Variants in WDR1 observed in about 807,000 individuals in gnomAD.
WDR1 encodes WD repeat domain 1.
In WDR1, 21 loss-of-function variants were observed where a neutral mutation model predicts 71.9. That is an observed-to-expected ratio of 0.29 (90% CI 0.21 to 0.42). The LOEUF is 0.42. Among genes scored for constraint, WDR1 ranks in the 10% least tolerant of loss-of-function variants. The pLI, the probability that WDR1 is intolerant of heterozygous loss-of-function variation, is 1.00. For missense variants in WDR1, 696 were observed against 824.5 expected (o/e 0.84, Z 1.91); for synonymous variants, 424 against 347.4 (o/e 1.22, Z -2.45).
At chr4:10,111,797 C>G (rs1713382478) in intron 2 of WDR1, among the ~76,000 whole-genome samples, 1 of 151,698 alleles carries the variant, frequency 6.6e-6, no homozygotes, top group South Asian at 2.1e-4. Context: ...AATACCCTCC[C>G]CAACCCCCCA....
intron 5 of WDR1, chr4:10,096,177 T>G (rs1404038719): frequency 6.6e-6 from 1 of 152,352 alleles, no homozygotes. Context: ...CTGGGTTTAA[T>G]GCACAGCTGC....
chr4:10,085,143 G>A (rs1243667404), intron 8 of WDR1, among the ~76,000 whole-genome samples: 1 of 152,212 alleles, frequency 6.6e-6, no homozygotes, highest in African/African-American at 2.4e-5. Flanking sequence ...AGAGGGCGGC[G>A]TTTAGCCCCC....
intron 13 of WDR1, 119 bp downstream of exon 13, chr4:10,077,634 G>C: frequency 1.4e-6 from 2 of 1,462,852 alleles, no homozygotes; most frequent in South Asian, 1.4e-5. Context: ...GCTACTTGTA[G>C]AGGCAAGAAA....
Position 10,099,109 on chromosome 4 carries a change from G to T in WDR1, c.260C>A (p.Thr87Asn). Residue 87 changes from threonine (T) to asparagine (N), a missense_variant, in exon 4 of 15, where the codon ACC becomes AAC. By Grantham distance (65) the Thr-to-Asn change is moderately conservative. Transcript: ENST00000499869. ...CTTCAACAGGTGCTCCTTCTGCGTG[G>T]TATCCCAGATCCTCAGCTTCCCAGA... ...DVSGKLRIWDTTQKEHLLKYE... is the reference protein window; with the variant it reads ...DVSGKLRIWDNTQKEHLLKYE... 1 of 1,448,186 alleles carries T rather than the reference G, an allele frequency of 6.9e-7. No homozygotes were observed. Among genetic ancestry groups the T allele is most frequent in the Non-Finnish European group, 9.3e-7 (1 of 1,076,254 alleles). 89.7% of individuals were successfully genotyped at this position (1,448,186 alleles called of 1,614,324 possible).
chr4:10,098,893 GT>G, intron 4 of WDR1, 98 bp downstream of exon 4: 1 of 1,545,134 alleles, frequency 6.5e-7, no homozygotes, highest in Non-Finnish European at 8.8e-7. Context: ...ACGAGTGCAA[GT>G]TAGTACAGAC....
chr4:10,107,855 G>C (rs900024522), intron 2 of WDR1, among the ~76,000 whole-genome samples: 3 of 152,150 alleles, frequency 2.0e-5, no homozygotes, highest in African/African-American at 7.2e-5. Context: ...ACCCAGCCCT[G>C]CCAACACAGG....
At chr4:10,109,292 C>A (rs1429392853) in intron 2 of WDR1, among the ~76,000 whole-genome samples, 1 of 152,246 alleles carries the variant, frequency 6.6e-6, no homozygotes, top group Non-Finnish European at 1.5e-5. Flanking sequence ...TAACTAACAG[C>A]ACGGTGAGTC....
At chr4:10,109,277 G>C (rs1713206359) in intron 2 of WDR1, among the ~76,000 whole-genome samples, 1 of 152,250 alleles carries the variant, frequency 6.6e-6, no homozygotes, top group Non-Finnish European at 1.5e-5. Context: ...TGGGTTATGA[G>C]CATATAACTA....
At chr4:10,075,581 C>T (rs1258605780) in intron 14 of WDR1, 97 bp from the exon 15 acceptor site, 4 of 1,138,236 alleles carry the variant, frequency 3.5e-6, no homozygotes, top group Non-Finnish European at 5.1e-6. Flanking sequence ...CCTAAATCAT[C>T]TCCAGGGCCA....
Position 10,087,966 on chromosome 4 carries a change from T to C in WDR1, c.718-26A>G, listed in dbSNP as rs776130808. The C allele has an allele frequency of 4.6e-6, 7 of 1,538,290 alleles. No homozygotes were observed. In the East Asian group the frequency reaches 7.3e-5, roughly 16 times the overall value. Reference sequence around the variant, plus strand: ...CTATTCAGAAAAAAGCAGTGTGTCATGTGCCAGAGGACTACAGACTGGAGA... The same window carrying C: ...CTATTCAGAAAAAAGCAGTGTGTCACGTGCCAGAGGACTACAGACTGGAGA... On this transcript the variant is annotated intron_variant, in intron 7 of 14. Transcript: ENST00000499869.
intron 5 of WDR1, among the ~76,000 whole-genome samples, chr4:10,095,124 C>A (rs1712248919): frequency 6.6e-6 from 1 of 152,192 alleles, no homozygotes; most frequent in African/African-American, 2.4e-5. Flanking sequence ...CGAGTTGCCA[C>A]CACAGCTGCT....
intron 2 of WDR1, among the ~76,000 whole-genome samples, chr4:10,105,521 C>A (rs991113933): frequency 6.6e-6 from 1 of 152,174 alleles, no homozygotes. Flanking sequence ...CATGAAAAAG[C>A]GCTCAGTGTC....
intron 1 of WDR1, 76 bp from the exon 2 acceptor site, chr4:10,116,310 G>T (rs771365814): frequency 3.8e-6 from 6 of 1,597,026 alleles, no homozygotes. Context: ...AAGGAGCCCC[G>T]GACCGGTCTC....
chr4:10,115,097 G>GT (rs1487850331), intron 2 of WDR1, among the ~76,000 whole-genome samples: 7 of 152,344 alleles, frequency 4.6e-5, no homozygotes, highest in African/African-American at 1.7e-4. Flanking sequence ...GACAACCCTT[G>GT]TATGCCTATG....
chr4:10,084,035 A>G lies in WDR1; in HGVS notation c.1039+408T>C, dbSNP rs565111225. Among the ~76,000 whole-genome samples the G allele has an allele frequency of 1.2e-4, 18 of 152,336 alleles. No individual in the cohort carries two copies. The South Asian group carries it at 2.3e-3, about 19-fold the overall frequency. ...CCTATTTTTAAAACAAGGGGACCCA[A>G]CGTAAGGGTGTCCAGGTGCTTGTGA... On this transcript the variant is annotated intron_variant, in intron 9 of 14. Transcript: ENST00000499869.
intron 2 of WDR1, among the ~76,000 whole-genome samples, chr4:10,113,220 G>A (rs1348860652): frequency 6.6e-6 from 1 of 152,156 alleles, no homozygotes; most frequent in Non-Finnish European, 1.5e-5. Context: ...AATTAGCCAG[G>A]TGAATTGGCA....
chr4:10,116,585 A>AGGGGCCG lies in WDR1; in HGVS notation c.16+59_16+65dup, dbSNP rs1241008325. The AGGGGCCG allele has an allele frequency of 8.1e-6, 9 of 1,116,936 alleles. No individual in the cohort carries two copies. The African/African-American group carries it at 1.3e-4, about 16-fold the overall frequency. The allele number at this position is 1,116,936 out of a possible 1,614,324, so 69.2% of individuals were successfully genotyped here. On this transcript the variant is annotated intron_variant, in intron 1 of 14. Coordinates refer to ENST00000499869, the MANE Select transcript of WDR1 (RefSeq NM_017491.5). ...CTCCCCCGCCACCCGCACGGCGCCTAGGGGCCGGGGACCGGGGCCGGGGCA... is the reference window on the plus strand; with the variant it reads ...CTCCCCCGCCACCCGCACGGCGCCTAGGGGCCGGGGGCCGGGGACCGGGGCCGGGGCA...
chr4:10,103,737 A>G (rs1365523531), intron 3 of WDR1, among the ~76,000 whole-genome samples, 159 bp downstream of exon 3: 5 of 152,072 alleles, frequency 3.3e-5, no homozygotes, highest in African/African-American at 2.4e-5. Flanking sequence ...GCTGAAACTA[A>G]TTATACTGGC....
chr4:10,079,944 C>G (rs981096144), intron 11 of WDR1, among the ~76,000 whole-genome samples: 1 of 152,030 alleles, frequency 6.6e-6, no homozygotes, highest in Non-Finnish European at 1.5e-5. Context: ...GTTTCCTGAT[C>G]TAAAATCCCA....
Sources: allele counts gnomAD v4.1 joint callset (sites outside exome capture counted in the v4.1 genomes callset), GRCh38; gene constraint gnomAD v4.1.1; transcripts MANE v1.5; gene names NCBI Gene and HGNC (gene_info 2026-07-23, HGNC 2026-07-21).